CRTC3: variants seen among roughly 807,000 people sequenced by gnomAD.
CRTC3 encodes the protein CREB regulated transcription coactivator 3.
Under a neutral mutation model 74.5 loss-of-function variants are expected in CRTC3, and 26 were observed. That is an observed-to-expected ratio of 0.35 (90% CI 0.26 to 0.48). CRTC3 has a LOEUF of 0.48. Ranked by LOEUF, CRTC3 falls within the 20% of genes least tolerant of loss-of-function variation. The probability of loss-of-function intolerance (pLI) is 0.99; values close to 1 mark genes in which losing one functional copy is unlikely to be tolerated. For synonymous variants in CRTC3, 377 were observed against 325.8 expected, an observed-to-expected ratio of 1.16 and a Z score of -1.69; for missense variants, 760 against 787.3, an observed-to-expected ratio of 0.97 and a Z score of 0.41.
intron 11 of CRTC3, among the ~76,000 whole-genome samples, chr15:90,630,643 CAG>C (rs1327670131): frequency 3.3e-5 from 5 of 152,034 alleles, no homozygotes; most frequent in African/African-American, 1.2e-4. Context: ...TATAGAAACA[CAG>C]GGGTTGAAAC....
intron 3 of CRTC3, chr15:90,600,509 G>A (rs1968041079): frequency 6.6e-6 from 1 of 152,196 alleles, no homozygotes; most frequent in Admixed American, 6.5e-5. Context: ...GCATAGCTTA[G>A]CGGAGAGCTC....
At chr15:90,641,685 C>CAAAAAAAAAAAAAAAAAAAAA (rs11294553) in intron 14 of CRTC3, among the ~76,000 whole-genome samples, 17 of 132,868 alleles carry the variant, frequency 1.3e-4, no homozygotes, top group African/African-American at 4.7e-4. Flanking sequence ...CAACAGTCTC[C>CAAAAAAAAAAAAAAAAAAAAA]AAAAAAAAAA....
chr15:90,548,774 A>G (rs899415256), intron 2 of CRTC3, among the ~76,000 whole-genome samples: 1 of 152,372 alleles, frequency 6.6e-6, no homozygotes, highest in Non-Finnish European at 1.5e-5. Flanking sequence ...TGATAAAACA[A>G]CATAGCAACA....
chr15:90,588,170 G>A (rs759052314), intron 2 of CRTC3, among the ~76,000 whole-genome samples: 3 of 151,532 alleles, frequency 2.0e-5, no homozygotes, highest in Non-Finnish European at 2.9e-5. Flanking sequence ...TGAGGCAGGA[G>A]AATTGCTCGA....
chr15:90,631,221 G>C (rs11073940), intron 11 of CRTC3, among the ~76,000 whole-genome samples: 5 of 152,182 alleles, frequency 3.3e-5, no homozygotes, highest in African/African-American at 4.8e-5. Context: ...GATCGTATGA[G>C]TGATCTCTTT....
chr15:90,596,249 G>A (rs1475510885), intron 3 of CRTC3: 2 of 152,226 alleles, frequency 1.3e-5, no homozygotes. Flanking sequence ...AATGGTTTTA[G>A]ATGGTAATGA....
At chr15:90,553,234 C>T (rs1010161485) in intron 2 of CRTC3, among the ~76,000 whole-genome samples, 8 of 152,154 alleles carry the variant, frequency 5.3e-5, no homozygotes, top group Non-Finnish European at 1.2e-4. Context: ...GAACTACATG[C>T]ACTTTGCAAC....
Position 90,617,971 on chromosome 15 carries a change from G to C in CRTC3, c.699+3G>C. 6.3e-7 allele frequency: 1 copy of C among 1,579,988 alleles called. No individual in the cohort carries two copies. Among genetic ancestry groups the C allele is most frequent in the Non-Finnish European group, 8.7e-7 (1 of 1,149,024 alleles). Reference sequence around the variant, plus strand: ...AACAACTGTGGGAGACCAAGGAGGTGGGTGAACAGTACTCAGCTATGTTTG... The same window carrying C: ...AACAACTGTGGGAGACCAAGGAGGTCGGTGAACAGTACTCAGCTATGTTTG... On this transcript the variant is annotated splice_donor_region_variant and intron_variant, in intron 8 of 14. Transcript: ENST00000268184.
intron 11 of CRTC3, among the ~76,000 whole-genome samples, chr15:90,637,132 T>C (rs1379891127): frequency 6.6e-6 from 1 of 152,168 alleles, no homozygotes; most frequent in Non-Finnish European, 1.5e-5. Flanking sequence ...CTATTCACAA[T>C]AGCAAAGACT....
At position 90,565,352 on chromosome 15, in the gene CRTC3, A is replaced by G. The variant is rs187254084; in HGVS notation, c.231+25215A>G. On this transcript the variant is annotated intron_variant, in intron 2 of 14. Transcript: ENST00000268184. ...TTAAACGAGATAATGTATACGAAGCATCTAACACTGTACCTAGAGCATATA... is the reference window on the plus strand; with the variant it reads ...TTAAACGAGATAATGTATACGAAGCGTCTAACACTGTACCTAGAGCATATA... 2.0e-5 allele frequency among the ~76,000 whole-genome samples: 3 copies of G among 152,370 alleles called. No homozygotes were observed. The East Asian group carries it at 5.8e-4, about 29-fold the overall frequency.
At chr15:90,585,890 G>T (rs925847366) in intron 2 of CRTC3, among the ~76,000 whole-genome samples, 1 of 152,074 alleles carries the variant, frequency 6.6e-6, no homozygotes, top group Admixed American at 6.6e-5. Flanking sequence ...TGTCCTCTGG[G>T]GTTCTTATCC....
At chr15:90,626,021 T>G in intron 10 of CRTC3, 28 bp downstream of exon 10, 1 of 1,586,586 alleles carries the variant, frequency 6.3e-7, no homozygotes, top group Non-Finnish European at 8.7e-7. Context: ...AGCAGTGACC[T>G]GGTGGCTTAA....
chr15:90,533,799 A>G (rs995764144), intron 1 of CRTC3, among the ~76,000 whole-genome samples: 31 of 152,142 alleles, frequency 2.0e-4, no homozygotes, highest in African/African-American at 7.2e-4. Flanking sequence ...GGAGCTCTGG[A>G]CCTGTATGGT....
At chr15:90,553,232 T>A (rs139079986) in intron 2 of CRTC3, among the ~76,000 whole-genome samples, 1 of 152,370 alleles carries the variant, frequency 6.6e-6, no homozygotes, top group East Asian at 1.9e-4. Flanking sequence ...CTGAACTACA[T>A]GCACTTTGCA....
chr15:90,614,226 G>T (rs1968432389), intron 6 of CRTC3: 1 of 471,584 alleles, frequency 2.1e-6, no homozygotes, highest in East Asian at 3.7e-5. Context: ...ATTTCAGACA[G>T]ACAATTTTAA....
At chr15:90,545,451 G>T (rs1441079876) in intron 2 of CRTC3, among the ~76,000 whole-genome samples, 1 of 149,954 alleles carries the variant, frequency 6.7e-6, no homozygotes, top group Non-Finnish European at 1.5e-5. Context: ...CCAGGCTGGA[G>T]TGTAGTGGCG....
intron 1 of CRTC3, among the ~76,000 whole-genome samples, chr15:90,535,828 A>G (rs1966710337): frequency 6.6e-6 from 1 of 152,156 alleles, no homozygotes; most frequent in Admixed American, 6.5e-5. Context: ...AAATGAGCCT[A>G]TGGTGTGTAT....
intron 2 of CRTC3, among the ~76,000 whole-genome samples, chr15:90,560,283 C>T (rs1321253390): frequency 6.6e-6 from 1 of 152,162 alleles, no homozygotes; most frequent in Non-Finnish European, 1.5e-5. Context: ...TTCCAGTTTA[C>T]GTCACTGATG....
intron 11 of CRTC3, among the ~76,000 whole-genome samples, chr15:90,635,630 G>A (rs1302284342): frequency 1.3e-5 from 2 of 152,080 alleles, no homozygotes; most frequent in South Asian, 2.1e-4. Context: ...GGGTGACAGA[G>A]CAAGACTCTG....
Sources: gnomAD v4.1 joint callset for allele counts (sites outside exome capture counted in the v4.1 genomes callset) on GRCh38, gnomAD v4.1.1 for gene constraint, MANE v1.5 for transcripts, NCBI Gene and HGNC (gene_info 2026-07-23, HGNC 2026-07-21) for gene names.